Variants in NTM observed in about 807,000 individuals in gnomAD.
The protein encoded by NTM is IgLON family member 2.
In NTM, 13 loss-of-function variants were observed where a neutral mutation model predicts 42.1. The observed-to-expected ratio is 0.31, with a 90% CI of 0.20 to 0.49. The LOEUF (loss-of-function observed/expected upper bound fraction) is 0.49, where lower values mean the gene tolerates loss of function less well. NTM is among the 20% of genes least tolerant of loss of function. The pLI is 0.99. For synonymous variants in NTM, 187 were observed against 179.2 expected (o/e 1.04, Z -0.35); for missense variants, 373 against 452.8 (o/e 0.82, Z 1.60).
intron 7 of NTM, among the ~76,000 whole-genome samples, chr11:132,328,060 G>A (rs2136393548): frequency 6.6e-6 from 1 of 152,166 alleles, no homozygotes; most frequent in East Asian, 1.9e-4. Flanking sequence ...TAGCTTTGGT[G>A]GCTCAAGCAA....
chr11:131,883,571 G>A (rs1049080648), intron 1 of NTM, among the ~76,000 whole-genome samples: 6 of 152,204 alleles, frequency 3.9e-5, no homozygotes, highest in African/African-American at 1.4e-4. Flanking sequence ...CTAGAGAGGA[G>A]TGATTTTCTT....
Position 131,969,022 on chromosome 11 carries a change from T to A in NTM, c.167+57374T>A, listed in dbSNP as rs2063199514. On this transcript the variant is annotated intron_variant, in intron 2 of 8. Coordinates refer to ENST00000683400, the MANE Select transcript of NTM (RefSeq NM_001352005.2). ...TTATTACAGAGCAAATACAGGACAG[T>A]AGCAGGGCTTTTAAAAATCAATTAG... Among the ~76,000 whole-genome samples the A allele has an allele frequency of 2.0e-5, 3 of 152,304 alleles. No homozygotes were observed. The South Asian group carries it at 6.2e-4, about 32-fold the overall frequency.
At chr11:131,866,040 C>A (rs916293539) in intron 1 of NTM, among the ~76,000 whole-genome samples, 2 of 150,820 alleles carry the variant, frequency 1.3e-5, no homozygotes, top group African/African-American at 4.9e-5. Context: ...TACATACACA[C>A]ATGCTACACA....
chr11:131,722,395 T>G (rs1012620341), intron 1 of NTM, among the ~76,000 whole-genome samples: 1 of 152,236 alleles, frequency 6.6e-6, no homozygotes, highest in East Asian at 1.9e-4. Context: ...AGGCAACTTT[T>G]GGTGAGACTG....
intron 1 of NTM, among the ~76,000 whole-genome samples, chr11:131,543,291 G>T (rs1434976297): frequency 1.3e-5 from 2 of 152,176 alleles, no homozygotes; most frequent in African/African-American, 4.8e-5. Context: ...CTCTCTGAAG[G>T]CTACTCTTTT....
At chr11:131,722,899 A>G (rs1262514210) in intron 1 of NTM, among the ~76,000 whole-genome samples, 1 of 152,228 alleles carries the variant, frequency 6.6e-6, no homozygotes, top group Non-Finnish European at 1.5e-5. Context: ...TACTTGGTTC[A>G]TGGAGAGGAG....
chr11:131,827,100 G>C (rs534513905), intron 1 of NTM, among the ~76,000 whole-genome samples: 1 of 152,006 alleles, frequency 6.6e-6, no homozygotes, highest in Non-Finnish European at 1.5e-5. Flanking sequence ...CTGAATACAC[G>C]TTGATGAATT....
chr11:131,602,156 G>A (rs2060542407), intron 1 of NTM, among the ~76,000 whole-genome samples: 4 of 152,214 alleles, frequency 2.6e-5, no homozygotes, highest in African/African-American at 7.2e-5. Flanking sequence ...TACCAGGATG[G>A]TGCCTCAGCT....
chr11:131,619,223 G>A (rs1450118094), intron 1 of NTM, among the ~76,000 whole-genome samples: 1 of 152,218 alleles, frequency 6.6e-6, no homozygotes, highest in Non-Finnish European at 1.5e-5. Flanking sequence ...AATAAGGAAA[G>A]TGGAGGCAGT....
chr11:131,940,281 G>A (rs918217835), intron 2 of NTM, among the ~76,000 whole-genome samples: 2 of 152,116 alleles, frequency 1.3e-5, no homozygotes, highest in Admixed American at 6.5e-5. Flanking sequence ...ACAGTTCCAC[G>A]ACTAAATAAT....
At chr11:131,841,687 G>A (rs1172848345) in intron 1 of NTM, among the ~76,000 whole-genome samples, 7 of 152,258 alleles carry the variant, frequency 4.6e-5, no homozygotes, top group African/African-American at 1.2e-4. Context: ...AGCTACTAAG[G>A]GAGCCCTATT....
chr11:131,758,291 T>C (rs984409550), intron 1 of NTM, among the ~76,000 whole-genome samples: 1 of 151,144 alleles, frequency 6.6e-6, no homozygotes, highest in African/African-American at 2.4e-5. Context: ...TAGCTAATTG[T>C]AGCAAACTCT....
At chr11:131,676,574 C>T (rs551891639) in intron 1 of NTM, among the ~76,000 whole-genome samples, 11 of 152,264 alleles carry the variant, frequency 7.2e-5, no homozygotes, top group South Asian at 6.2e-4. Flanking sequence ...TTTTATCAGA[C>T]GACCTTCACA....
chr11:132,061,220 AG>A (rs1248990265), intron 2 of NTM, among the ~76,000 whole-genome samples: 1 of 152,246 alleles, frequency 6.6e-6, no homozygotes, highest in Non-Finnish European at 1.5e-5. Context: ...AGCAGTTATC[AG>A]CTGTTTTGTG....
intron 7 of NTM, among the ~76,000 whole-genome samples, chr11:132,318,493 C>G (rs894172648): frequency 6.6e-6 from 1 of 152,210 alleles, no homozygotes; most frequent in African/African-American, 2.4e-5. Flanking sequence ...TTTACATCCT[C>G]TTCCACTTCC....
At chr11:131,835,292 A>G (rs2043346736) in intron 1 of NTM, among the ~76,000 whole-genome samples, 2 of 152,182 alleles carry the variant, frequency 1.3e-5, no homozygotes, top group South Asian at 4.1e-4. Context: ...AGTGCCATCG[A>G]GAATGTTGCT....
chr11:131,526,320 A>C (rs1481026552), intron 1 of NTM, among the ~76,000 whole-genome samples: 1 of 152,144 alleles, frequency 6.6e-6, no homozygotes, highest in Non-Finnish European at 1.5e-5. Context: ...GGGATGGCTG[A>C]TTGGGCAGGT....
At chr11:131,415,076 A>G (rs1295516360) in intron 1 of NTM, among the ~76,000 whole-genome samples, 1 of 152,168 alleles carries the variant, frequency 6.6e-6, no homozygotes, top group African/African-American at 2.4e-5. Context: ...ATTTATTATT[A>G]GTGAATCCAA....
intron 1 of NTM, among the ~76,000 whole-genome samples, chr11:131,424,160 A>T (rs1377068769): frequency 6.6e-6 from 1 of 152,200 alleles, no homozygotes; most frequent in Non-Finnish European, 1.5e-5. Context: ...GCCTTGCACC[A>T]TTACATCAAG....
Sources: allele counts gnomAD v4.1 joint callset (sites outside exome capture counted in the v4.1 genomes callset), GRCh38; gene constraint gnomAD v4.1.1; transcripts MANE v1.5; gene names NCBI Gene and HGNC (gene_info 2026-07-23, HGNC 2026-07-21).